Variants in ACAN observed in about 807,000 individuals in gnomAD.
The protein encoded by ACAN is aggrecan core protein.
ACAN carries 47 observed loss-of-function variants against 169.1 expected under a neutral mutation model. That is an observed-to-expected ratio of 0.28 (90% CI 0.22 to 0.35). ACAN has a LOEUF of 0.35. Ranked by LOEUF, ACAN falls within the 10% of genes least tolerant of loss-of-function variation. The pLI is 1.00. For synonymous variants in ACAN, 1,115 were observed against 1,112.2 expected (o/e 1.00, Z -0.05); for missense variants, 2,716 against 2,759.9 (o/e 0.98, Z 0.36).
In ACAN at chr15:88,872,150, G is replaced by A. The variant is rs1177566864; in HGVS notation, c.7302+65G>A. The A allele has an allele frequency of 2.1e-6, 3 of 1,397,750 alleles. No individual in the cohort carries two copies. The highest frequency in any genetic ancestry group is 3.4e-5 in the Admixed American group (2 of 59,412). 86.6% of individuals were successfully genotyped at this position (1,397,750 alleles called of 1,614,324 possible). On this transcript the variant is annotated intron_variant, in intron 16 of 18. Coordinates refer to ENST00000560601, the MANE Select transcript of ACAN (RefSeq NM_001369268.1). This position sits in a 1 kb window ranked among gnomAD's most constrained non-coding sequence, Gnocchi z 5.4. ...AGGGAGTGGGATAGAGACCCCTGGA[G>A]AGAGATGCATTCAAACCCCATGCAG...
chr15:88,810,206 G>C (rs1895786153), intron 1 of ACAN, among the ~76,000 whole-genome samples: 2 of 152,112 alleles, frequency 1.3e-5, no homozygotes, highest in Non-Finnish European at 2.9e-5. Flanking sequence ...AGCCAGTAAA[G>C]GGAAGCGTCA....
At chr15:88,840,590 C>G (rs1245807355) in intron 4 of ACAN, among the ~76,000 whole-genome samples, 1 of 152,078 alleles carries the variant, frequency 6.6e-6, no homozygotes, top group Non-Finnish European at 1.5e-5. Context: ...AGCGTAGTTG[C>G]TGAGGAGTGA....
chr15:88,830,345 G>A (rs572064321), intron 1 of ACAN, among the ~76,000 whole-genome samples: 1 of 152,150 alleles, frequency 6.6e-6, no homozygotes, highest in Non-Finnish European at 1.5e-5. Flanking sequence ...ACAGGGATGC[G>A]TTCTGAGAAA....
At chr15:88,825,995 C>T (rs1278896009) in intron 1 of ACAN, among the ~76,000 whole-genome samples, 7 of 152,174 alleles carry the variant, frequency 4.6e-5, no homozygotes, top group African/African-American at 9.7e-5. Context: ...GCTGAAGTTT[C>T]GAAGAGGCTT....
chr15:88,854,058 C>A (rs79902690), intron 11 of ACAN, among the ~76,000 whole-genome samples: 3,229 of 152,328 alleles, frequency 0.021, 112 homozygotes, highest in African/African-American at 0.071. Flanking sequence ...AGAGCTGAAG[C>A]AAAGAATGTA....
rs572453228 is a variant in ACAN at position 88,863,688 on chromosome 15, G to T, written c.6946+3249G>T. Among the ~76,000 whole-genome samples, 226 of 152,264 alleles carry T rather than the reference G, an allele frequency of 1.5e-3. 3 individuals carry two copies. In the South Asian group the frequency reaches 0.045, roughly 30 times the overall value. On this transcript the variant is annotated intron_variant, in intron 13 of 18. Coordinates refer to ENST00000560601, the MANE Select transcript of ACAN (RefSeq NM_001369268.1). Reference sequence around the variant, plus strand: ...TTTCAGTTTCTAGGTTTGAAGCTCTGATCTATGACTTTCCACTCTCTCTTC... The same window carrying T: ...TTTCAGTTTCTAGGTTTGAAGCTCTTATCTATGACTTTCCACTCTCTCTTC...
Position 88,871,687 on chromosome 15 carries a change from C to A in ACAN, c.7219+147C>A, listed in dbSNP as rs1897383856. 1 of 1,210,470 alleles carries A rather than the reference C, an allele frequency of 8.3e-7. No individual in the cohort carries two copies. Among genetic ancestry groups the A allele is most frequent in the Non-Finnish European group, 1.1e-6 (1 of 887,174 alleles). The allele number at this position is 1,210,470 out of a possible 1,614,324, so 75.0% of individuals were successfully genotyped here. On this transcript the variant is annotated intron_variant, in intron 15 of 18. Coordinates refer to ENST00000560601, the MANE Select transcript of ACAN (RefSeq NM_001369268.1). The surrounding 1 kb of genome is among the most constrained non-coding windows in gnomAD (Gnocchi z 7.8). ...GGGAACAGTGTTCCCACAGTCTGAG[C>A]TCCCAGAGAGAAGACAACGGTCTTT...
At chr15:88,817,728 C>G (rs949331163) in intron 1 of ACAN, among the ~76,000 whole-genome samples, 3 of 151,346 alleles carry the variant, frequency 2.0e-5, no homozygotes, top group Non-Finnish European at 4.4e-5. Context: ...GTGGTGCATG[C>G]CTATAGTCCC....
At position 88,849,849 on chromosome 15, in the gene ACAN, C is replaced by G. The variant is rs117675490; in HGVS notation, c.2026+118C>G. 502 of 1,414,390 alleles carry G rather than the reference C, an allele frequency of 3.5e-4. 1 individual carries two copies. In the East Asian group the frequency reaches 0.012, roughly 34 times the overall value. The allele number at this position is 1,414,390 out of a possible 1,614,324, so 87.6% of individuals were successfully genotyped here. The stretch of plus-strand genomic sequence containing the variant: ...CATCAGAGCAAGAAAATGTCAGTCC[C>G]TCTGGGGCAGAGCCAGCTCTGAAAC... On this transcript the variant is annotated intron_variant, in intron 10 of 18. Coordinates refer to ENST00000560601, the MANE Select transcript of ACAN (RefSeq NM_001369268.1). The surrounding 1 kb of genome is among the most constrained non-coding windows in gnomAD (Gnocchi z 5.1).
intron 11 of ACAN, 24 bp from the exon 12 acceptor site, chr15:88,854,828 A>G: frequency 6.9e-7 from 1 of 1,441,882 alleles, no homozygotes; most frequent in Non-Finnish European, 9.1e-7. Flanking sequence ...CCCACACTTC[A>G]TCTTTCTTCC....
intron 2 of ACAN, among the ~76,000 whole-genome samples, chr15:88,837,761 C>T (rs1012758042): frequency 3.9e-5 from 6 of 152,286 alleles, no homozygotes; most frequent in Non-Finnish European, 5.9e-5. Context: ...AAGCATTCCT[C>T]GCTCCCCTCC....
At chr15:88,859,463 C>T in intron 12 of ACAN, 46 bp downstream of exon 12, 1 of 1,551,040 alleles carries the variant, frequency 6.4e-7, no homozygotes, top group Non-Finnish European at 8.7e-7. Context: ...GTAGTTCAGA[C>T]TGTAGCCTAC....
In ACAN at chr15:88,859,060, G is replaced by C; in HGVS notation, c.6475G>C (p.Gly2159Arg). ...CGGCAGCACTTTGACATTTCAAGAA[G>C]GCGAGGCGTCCGCTGCCCCAGAAGT... ...VSGSTLTFQE[G>R]EASAAPEVSG... The change falls in exon 12 of 19, where the codon GGC becomes CGC. Residue 2159 changes from glycine to arginine, a missense_variant. Transcript: ENST00000560601. 6.2e-7 allele frequency: 1 copy of C among 1,613,918 alleles called. No homozygotes were observed. Among genetic ancestry groups the C allele is most frequent in the South Asian group, 1.1e-5 (1 of 91,074 alleles).
intron 1 of ACAN, among the ~76,000 whole-genome samples, chr15:88,824,150 C>T (rs1896148046): frequency 6.6e-6 from 1 of 152,078 alleles, no homozygotes; most frequent in African/African-American, 2.4e-5. Flanking sequence ...CAGTGAAACC[C>T]CGTCTCTACT....
Position 88,859,324 on chromosome 15 carries a change from G to A in ACAN, c.6739G>A (p.Glu2247Lys), listed in dbSNP as rs776906125. ...CTCAAGCCTCCTGTACTCAGGAGAA[G>A]AGACTCACACAGTCGAAACAGCCAC... ...ESSSLLYSGE[E>K]THTVETATSP... Residue 2247 changes from glutamate to lysine, a missense_variant, in exon 12 of 19, where the codon GAG becomes AAG. By Grantham distance (56) the Glu-to-Lys change is moderately conservative. Around this residue, in one of 3 missense-constraint regions of ACAN, gnomAD observed 1,389 missense variants for 1,363.7 expected, o/e 1.02. Coordinates refer to ENST00000560601, the MANE Select transcript of ACAN (RefSeq NM_001369268.1). The A allele has an allele frequency of 6.2e-6, 10 of 1,609,302 alleles. No individual in the cohort carries two copies. The highest frequency in any genetic ancestry group is 8.5e-6 in the Non-Finnish European group (10 of 1,177,730).
At position 88,839,015 on chromosome 15, in the gene ACAN, C is replaced by T; in HGVS notation, c.423C>T (p.Asp141=). ...GCGAGGTGATGCATGGCATCGAGGA[C>T]AGCGAGGCCACCCTGGAAGTCGTGG... ...YRCEVMHGIE[D]SEATLEVVVK... Residue 141 remains aspartate, a synonymous_variant, in exon 3 of 19, where the codon GAC becomes GAT. Transcript: ENST00000560601. The surrounding 1 kb of genome is among the most constrained non-coding windows in gnomAD (Gnocchi z 4.5). The T allele has an allele frequency of 6.2e-7, 1 of 1,607,292 alleles. No individual in the cohort carries two copies. The highest frequency in any genetic ancestry group is 1.1e-5 in the South Asian group (1 of 91,090).
chr15:88,812,856 C>A (rs554088933), intron 1 of ACAN, among the ~76,000 whole-genome samples: 1 of 152,262 alleles, frequency 6.6e-6, no homozygotes, highest in African/African-American at 2.4e-5. Context: ...GTGAGGAGGT[C>A]ATGGCCAGTT....
In ACAN at chr15:88,868,005, C is replaced by T. The variant is rs1042923882; in HGVS notation, c.6947-211C>T. Among the ~76,000 whole-genome samples the T allele has an allele frequency of 1.3e-5, 2 of 152,222 alleles. No homozygotes were observed. The highest frequency in any genetic ancestry group is 1.5e-5 in the Non-Finnish European group (1 of 68,044). ...AAGTTTACCAATCAAGAATCACACA[C>T]GCCCAAGAAAACCCTTGTCTGGATC... On this transcript the variant is annotated intron_variant, in intron 13 of 18. Transcript: ENST00000560601. The surrounding 1 kb of genome is among the most constrained non-coding windows in gnomAD (Gnocchi z 5.2).
At position 88,858,195 on chromosome 15, in the gene ACAN, G is replaced by A; in HGVS notation, c.5610G>A (p.Gly1870=). The change falls in exon 12 of 19, where the codon GGG becomes GGA. Residue 1870 remains glycine, a synonymous_variant. Transcript: ENST00000560601. The surrounding 1 kb of genome is among the most constrained non-coding windows in gnomAD (Gnocchi z 4.0). ...AGGCAGATCTGTCAGGCAAATCTGG[G>A]ATGGTGGATGTCAGTGGACAGTTTT... The part of the protein sequence containing the change: ...SGEADLSGKS[G]MVDVSGQFSG... 6.2e-7 allele frequency: 1 copy of A among 1,613,962 alleles called. No individual in the cohort carries two copies. The highest frequency in any genetic ancestry group is 8.5e-7 in the Non-Finnish European group (1 of 1,179,900).
Sources: allele counts gnomAD v4.1 joint callset (sites outside exome capture counted in the v4.1 genomes callset), GRCh38; gene constraint gnomAD v4.1.1; regional missense constraint gnomAD v4.1.1; non-coding constraint Gnocchi (gnomAD v3.1); transcripts MANE v1.5; gene names NCBI Gene and HGNC (gene_info 2026-07-23, HGNC 2026-07-21).